Variants in CNIH3 observed in about 807,000 individuals in gnomAD.
CNIH3 encodes the protein protein cornichon homolog 3.
Under a neutral mutation model 24.1 loss-of-function variants are expected in CNIH3, and 14 were observed. The observed-to-expected ratio is 0.58, with a 90% CI of 0.38 to 0.91. The LOEUF is 0.91. Ranked by LOEUF, CNIH3 falls within the 40% of genes least tolerant of loss-of-function variation. The pLI, the probability that CNIH3 is intolerant of heterozygous loss-of-function variation, is 0.00. For missense variants in CNIH3, 178 were observed against 196.8 expected (o/e 0.90, Z 0.57); for synonymous variants, 68 against 73.8 (o/e 0.92, Z 0.40).
At position 224,684,913 on chromosome 1, in the gene CNIH3, C is replaced by CCTCTT; in HGVS notation, c.198+70_198+71insCTCTT. ...GTGGGTGGGCACACAGTGAAAGAGG[C>CCTCTT]TAGTGAGGCTCTGCCTGCTCCAGTC... On this transcript the variant is annotated intron_variant, in intron 3 of 5. Transcript: ENST00000272133. The surrounding 1 kb of genome is among the most constrained non-coding windows in gnomAD (Gnocchi z 4.2). 2.1e-6 allele frequency: 3 copies of CCTCTT among 1,430,564 alleles called. No homozygotes were observed. Among genetic ancestry groups the CCTCTT allele is most frequent in the African/African-American group, 1.4e-5 (1 of 71,144 alleles). The allele number at this position is 1,430,564 out of a possible 1,614,324, so 88.6% of individuals were successfully genotyped here.
intron 1 of CNIH3, among the ~76,000 whole-genome samples, chr1:224,475,704 G>C (rs1216810471): frequency 1.3e-5 from 2 of 152,146 alleles, no homozygotes; most frequent in Non-Finnish European, 2.9e-5. Context: ...AAAAAATAGA[G>C]GAAGAGGGAA....
At chr1:224,619,987 C>A (rs1207549431) in intron 1 of CNIH3, among the ~76,000 whole-genome samples, 1 of 152,222 alleles carries the variant, frequency 6.6e-6, no homozygotes, top group African/African-American at 2.4e-5. Flanking sequence ...TCAGTCCAAT[C>A]GTTTTCCTCC....
intron 1 of CNIH3, among the ~76,000 whole-genome samples, chr1:224,642,302 C>G (rs930586549): frequency 1.3e-5 from 2 of 152,162 alleles, no homozygotes; most frequent in African/African-American, 4.8e-5. Flanking sequence ...GCGATTATGG[C>G]TCACTGCAGC....
chr1:224,520,661 G>C (rs753651474), intron 1 of CNIH3, among the ~76,000 whole-genome samples: 2 of 152,206 alleles, frequency 1.3e-5, no homozygotes, highest in African/African-American at 2.4e-5. Flanking sequence ...TGCATGCATA[G>C]CTTGTGTTCC....
At chr1:224,580,510 A>T (rs1001362589) in intron 4 of CNIH3, among the ~76,000 whole-genome samples, 11 of 152,184 alleles carry the variant, frequency 7.2e-5, no homozygotes, top group African/African-American at 2.7e-4. Context: ...GGCAAAGCGA[A>T]AAAAGGAGGT....
chr1:224,569,680 A>G (rs2124998146), intron 4 of CNIH3, among the ~76,000 whole-genome samples: 1 of 152,174 alleles, frequency 6.6e-6, no homozygotes, highest in South Asian at 2.1e-4. Context: ...CATAGCCAAC[A>G]CCTGATTTTG....
At chr1:224,591,772 AT>A (rs1226167528), downstream of CNIH3, among the ~76,000 whole-genome samples, 1 of 152,148 alleles carries the variant, frequency 6.6e-6, no homozygotes, top group East Asian at 1.9e-4. Context: ...AGTCAGATGG[AT>A]TTGGGCATGA....
At chr1:224,540,013 T>C (rs550994872), downstream of CNIH3, among the ~76,000 whole-genome samples, 4 of 152,306 alleles carry the variant, frequency 2.6e-5, no homozygotes, top group South Asian at 8.3e-4. Context: ...TCTCAATAAA[T>C]ATCAATGAAT....
At chr1:224,542,361 C>T (rs181478062), downstream of CNIH3, among the ~76,000 whole-genome samples, 1 of 152,274 alleles carries the variant, frequency 6.6e-6, no homozygotes, top group East Asian at 1.9e-4. Flanking sequence ...CTTGATTGGA[C>T]TAACAGAGTA....
intron 1 of CNIH3, among the ~76,000 whole-genome samples, chr1:224,668,358 A>C (rs1377623338): frequency 6.6e-6 from 1 of 152,252 alleles, no homozygotes; most frequent in Non-Finnish European, 1.5e-5. Flanking sequence ...ATAGGCTACC[A>C]TGCCCAGAAG....
At position 224,643,350 on chromosome 1, in the gene CNIH3, C is replaced by G. The variant is rs191099487; in HGVS notation, c.81+26095C>G. Among the ~76,000 whole-genome samples the G allele has an allele frequency of 7.9e-5, 12 of 152,332 alleles. No homozygotes were observed. In the South Asian group the frequency reaches 2.5e-3, roughly 32 times the overall value. ...TTTATTTGCAGCATCTTTTGGACATCGGTTCCAGTCACATCTACATGAGGC... is the reference window on the plus strand; with the variant it reads ...TTTATTTGCAGCATCTTTTGGACATGGGTTCCAGTCACATCTACATGAGGC... On this transcript the variant is annotated intron_variant, in intron 1 of 5. Coordinates refer to ENST00000272133, the MANE Select transcript of CNIH3 (RefSeq NM_152495.2).
intron 1 of CNIH3, among the ~76,000 whole-genome samples, chr1:224,655,718 A>G (rs1373043022): frequency 6.6e-6 from 1 of 152,234 alleles, no homozygotes; most frequent in Non-Finnish European, 1.5e-5. Flanking sequence ...TGGGATAACA[A>G]GTATTGCCAG....
chr1:224,641,061 G>A (rs941680276), intron 1 of CNIH3, among the ~76,000 whole-genome samples: 5 of 152,158 alleles, frequency 3.3e-5, no homozygotes, highest in African/African-American at 1.2e-4. Flanking sequence ...TTCCTCAGGG[G>A]CTCTGAGGTT....
Position 224,617,146 on chromosome 1 carries a change from G to A in CNIH3, c.-29G>A, listed in dbSNP as rs1683044127. 1.2e-6 allele frequency: 2 copies of A among 1,612,096 alleles called. No individual in the cohort carries two copies. The highest frequency in any genetic ancestry group is 8.5e-7 in the Non-Finnish European group (1 of 1,179,154). On this transcript the variant is annotated 5_prime_UTR_variant, in exon 1 of 6. The change creates a new upstream start codon in the 5' untranslated region. Transcript: ENST00000272133. ...ATCGGGCTCCTAGGGGCTTCTTGGC[G>A]TGTGTGGTGGGATTGGGGTCCGCCG...
At chr1:224,708,032 C>T (rs1687918524) in intron 3 of CNIH3, among the ~76,000 whole-genome samples, 1 of 152,214 alleles carries the variant, frequency 6.6e-6, no homozygotes, top group Non-Finnish European at 1.5e-5. Context: ...ATCCTGCTCC[C>T]TGTCTCTGGT....
At chr1:224,536,185 A>G (rs1267105166) in intron 2 of CNIH3, among the ~76,000 whole-genome samples, 1 of 151,982 alleles carries the variant, frequency 6.6e-6, no homozygotes, top group Non-Finnish European at 1.5e-5. Context: ...TGACTTTCCA[A>G]GGATATGCCT....
chr1:224,667,167 T>C (rs1198523637), intron 1 of CNIH3, among the ~76,000 whole-genome samples: 1 of 152,232 alleles, frequency 6.6e-6, no homozygotes, highest in Non-Finnish European at 1.5e-5. Flanking sequence ...CAGTCCCAGA[T>C]ACTGGCATCT....
At chr1:224,484,534 A>G (rs993422745) in intron 1 of CNIH3, among the ~76,000 whole-genome samples, 1 of 152,110 alleles carries the variant, frequency 6.6e-6, no homozygotes, top group Non-Finnish European at 1.5e-5. Flanking sequence ...AGCTTCTTGT[A>G]TCTGTGACTT....
rs1193122123 is a variant in CNIH3 at position 224,452,625 on chromosome 1, C to CA, written n.203+17768dup. On this transcript the variant is annotated intron_variant and non_coding_transcript_variant, in intron 1 of 5. Coordinates refer to the CNIH3 transcript ENST00000471578. ...TGAAACCCCGTCTCTACTAAAAATA[C>CA]AAAAACATTAGCCAGGTGTGGTGAT... 1.7e-4 allele frequency among the ~76,000 whole-genome samples: 26 copies of CA among 151,002 alleles called. No homozygotes were observed. The East Asian group carries it at 4.8e-3, about 28-fold the overall frequency.
Sources: allele counts gnomAD v4.1 joint callset (sites outside exome capture counted in the v4.1 genomes callset), GRCh38; gene constraint gnomAD v4.1.1; non-coding constraint Gnocchi (gnomAD v3.1); transcripts MANE v1.5; gene names NCBI Gene and HGNC (gene_info 2026-07-23, HGNC 2026-07-21).